Variants in DTNA observed in about 807,000 individuals in gnomAD.
The protein encoded by DTNA is dystrophin-related protein 3.
A neutral mutation model predicts 100.7 loss-of-function variants in DTNA; 43 were observed. The observed-to-expected ratio is 0.43, with a 90% CI of 0.33 to 0.55. The LOEUF (loss-of-function observed/expected upper bound fraction) is 0.55. DTNA is among the 20% of genes least tolerant of loss of function. DTNA has a pLI of 0.04. For synonymous variants in DTNA, 349 were observed against 347.9 expected, an observed-to-expected ratio of 1.00 and a Z score of -0.04; for missense variants, 798 against 953.9, an observed-to-expected ratio of 0.84 and a Z score of 2.15.
intron 4 of DTNA, among the ~76,000 whole-genome samples, chr18:34,798,428 A>G (rs73412662): frequency 6.6e-6 from 1 of 152,116 alleles, no homozygotes; most frequent in Non-Finnish European, 1.5e-5. Flanking sequence ...GAAAAAAAAA[A>G]CAAGTGTTCA....
chr18:34,771,720 C>A (rs2093782559), intron 3 of DTNA, among the ~76,000 whole-genome samples: 1 of 152,140 alleles, frequency 6.6e-6, no homozygotes, highest in Non-Finnish European at 1.5e-5. Context: ...TGGAGCAGAA[C>A]AAAGAATACA....
intron 1 of DTNA, among the ~76,000 whole-genome samples, chr18:34,682,713 G>C (rs1174471346): frequency 1.3e-5 from 2 of 151,882 alleles, no homozygotes; most frequent in East Asian, 3.9e-4. Context: ...TTTTCTTATT[G>C]TTGAGTGTTA....
intron 13 of DTNA, among the ~76,000 whole-genome samples, chr18:34,844,711 A>G (rs1420328277): frequency 6.6e-6 from 1 of 152,168 alleles, no homozygotes; most frequent in East Asian, 1.9e-4. Flanking sequence ...GCATTTATAT[A>G]TGCTATATGC....
intron 1 of DTNA, among the ~76,000 whole-genome samples, chr18:34,734,990 GT>G (rs1258701428): frequency 1.3e-5 from 2 of 152,008 alleles, no homozygotes; most frequent in Non-Finnish European, 2.9e-5. Flanking sequence ...AACCACTCCT[GT>G]TACCAAAATC....
intron 15 of DTNA, among the ~76,000 whole-genome samples, chr18:34,854,799 G>C (rs2096533375): frequency 6.6e-6 from 1 of 152,218 alleles, no homozygotes; most frequent in Non-Finnish European, 1.5e-5. Flanking sequence ...GGTGGCAGCA[G>C]TAAGAAACCT....
At chr18:34,798,556 A>G (rs2095082148) in intron 4 of DTNA, among the ~76,000 whole-genome samples, 1 of 152,180 alleles carries the variant, frequency 6.6e-6, no homozygotes, top group African/African-American at 2.4e-5. Context: ...TCTCATTTCA[A>G]TTCAGTAGTA....
At chr18:34,821,070 T>C in intron 9 of DTNA, 155 bp downstream of exon 9, 1 of 1,159,156 alleles carries the variant, frequency 8.6e-7, no homozygotes, top group South Asian at 1.3e-5. Context: ...AATTTTTTGT[T>C]GTTGTTGAGG....
intron 1 of DTNA, among the ~76,000 whole-genome samples, chr18:34,733,279 G>T (rs535869418): frequency 1.9e-4 from 29 of 152,062 alleles, no homozygotes; most frequent in Admixed American, 4.6e-4. Context: ...TTGAGGGGCT[G>T]TGATTCTCTG....
At chr18:34,762,650 CTTCTGGTCCCT>C (rs1412134998) in intron 2 of DTNA, among the ~76,000 whole-genome samples, 1 of 152,220 alleles carries the variant, frequency 6.6e-6, no homozygotes, top group East Asian at 1.9e-4. Context: ...AGCCCAGCTT[CTTCTGGTCCCT>C]TTCTGGATGG....
chr18:34,790,946 C>T (rs1031986235), intron 3 of DTNA, among the ~76,000 whole-genome samples: 3 of 152,010 alleles, frequency 2.0e-5, no homozygotes, highest in African/African-American at 4.8e-5. Context: ...AGTAAATCTC[C>T]CTGGAGGGAG....
At chr18:34,653,231 C>A (rs77366352) in intron 1 of DTNA, among the ~76,000 whole-genome samples, 7,364 of 150,394 alleles carry the variant, frequency 0.049, 248 homozygotes, top group Non-Finnish European at 0.074. Flanking sequence ...GGGAAAAAAA[C>A]GAATAGGCTT....
chr18:34,668,613 C>T (rs1038904520), intron 1 of DTNA, among the ~76,000 whole-genome samples: 6 of 152,244 alleles, frequency 3.9e-5, no homozygotes, highest in African/African-American at 1.4e-4. Flanking sequence ...TCCAGAGATT[C>T]TGGTATGTTT....
chr18:34,847,118 A>G (rs1357651050), intron 13 of DTNA, among the ~76,000 whole-genome samples: 1 of 152,332 alleles, frequency 6.6e-6, no homozygotes, highest in East Asian at 1.9e-4. Context: ...GGTATGTTTC[A>G]TAGAATTATT....
chr18:34,745,275 G>T (rs2091381228), intron 1 of DTNA, among the ~76,000 whole-genome samples: 1 of 151,926 alleles, frequency 6.6e-6, no homozygotes, highest in East Asian at 1.9e-4. Context: ...AGCCTCCCTA[G>T]CCTACATCTA....
chr18:34,614,266 C>T (rs2054800445), intron 1 of DTNA, among the ~76,000 whole-genome samples: 1 of 152,220 alleles, frequency 6.6e-6, no homozygotes, highest in Non-Finnish European at 1.5e-5. Context: ...ATTGACAATG[C>T]ACCTGGAGCA....
intron 1 of DTNA, among the ~76,000 whole-genome samples, chr18:34,682,982 G>A (rs1409588162): frequency 6.6e-6 from 1 of 151,954 alleles, no homozygotes; most frequent in Non-Finnish European, 1.5e-5. Context: ...AAATTTTCAG[G>A]TATATCCCAA....
At chr18:34,544,877 G>A (rs2044608539) in intron 1 of DTNA, among the ~76,000 whole-genome samples, 1 of 151,802 alleles carries the variant, frequency 6.6e-6, no homozygotes, top group Non-Finnish European at 1.5e-5. Flanking sequence ...ATTACCAAAA[G>A]GGGCCCTTAG....
intron 11 of DTNA, among the ~76,000 whole-genome samples, chr18:34,837,039 A>G (rs892201006): frequency 6.6e-6 from 1 of 152,092 alleles, no homozygotes; most frequent in East Asian, 1.9e-4. Flanking sequence ...ACCATTATAT[A>G]TATATTTAGT....
At chr18:34,608,363 T>C (rs1317591207) in intron 1 of DTNA, among the ~76,000 whole-genome samples, 1 of 152,162 alleles carries the variant, frequency 6.6e-6, no homozygotes, top group African/African-American at 2.4e-5. Context: ...ATAAAAGACA[T>C]ATCCTTTATT....
Sources: gnomAD v4.1 joint callset for allele counts (sites outside exome capture counted in the v4.1 genomes callset) on GRCh38, gnomAD v4.1.1 for gene constraint, MANE v1.5 for transcripts, NCBI Gene and HGNC (gene_info 2026-07-23, HGNC 2026-07-21) for gene names.